Variants in FBXO38 observed in about 807,000 individuals in gnomAD.
FBXO38 encodes the protein F-box only protein 38.
A neutral mutation model predicts 131.9 loss-of-function variants in FBXO38; 53 were observed. That is an observed-to-expected ratio of 0.40 (90% confidence interval 0.32 to 0.51). The LOEUF (loss-of-function observed/expected upper bound fraction) is 0.51. Among genes scored for constraint, FBXO38 ranks in the 20% least tolerant of loss-of-function variants. The pLI, the probability that FBXO38 is intolerant of heterozygous loss-of-function variation, is 0.53. For synonymous variants in FBXO38, 452 were observed against 505.6 expected (o/e 0.89, Z 1.42); for missense variants, 1,076 against 1,475.6 (o/e 0.73, Z 4.44).
intron 16 of FBXO38, 30 bp from the exon 17 acceptor site, chr5:148,433,605 T>C (rs1180541504): frequency 6.4e-7 from 1 of 1,561,030 alleles, no homozygotes; most frequent in Non-Finnish European, 8.8e-7. Context: ...GTTTGTATCT[T>C]TATATAGTTT....
intron 5 of FBXO38, among the ~76,000 whole-genome samples, chr5:148,402,910 GA>G: frequency 6.6e-6 from 1 of 152,270 alleles, no homozygotes; most frequent in Middle Eastern, 3.4e-3. Context: ...TACACAGAGA[GA>G]GAGAGAGTAT....
intron 20 of FBXO38, 48 bp from the exon 21 acceptor site, chr5:148,441,074 GCT>G (rs767306747): frequency 3.9e-6 from 5 of 1,271,176 alleles, no homozygotes; most frequent in Non-Finnish European, 5.8e-6. Context: ...GCAGAATTTG[GCT>G]CTGTCAGCAC....
At chr5:148,396,951 A>G (rs569343917) in intron 2 of FBXO38, among the ~76,000 whole-genome samples, 1 of 152,330 alleles carries the variant, frequency 6.6e-6, no homozygotes, top group Non-Finnish European at 1.5e-5. Flanking sequence ...AACATTGTGC[A>G]GTTCAAACAG....
intron 1 of FBXO38, among the ~76,000 whole-genome samples, chr5:148,393,540 C>T (rs555012537): frequency 4.7e-4 from 72 of 152,236 alleles, no homozygotes; most frequent in Non-Finnish European, 8.1e-4. Flanking sequence ...ATTAGTGACT[C>T]AGGCCCCTTT....
chr5:148,402,414 T>C lies in FBXO38; in HGVS notation c.493T>C (p.Leu165=), dbSNP rs773928302. The change falls in exon 5 of 22, where the codon TTG becomes CTG. Residue 165 remains leucine, a synonymous_variant. Transcript: ENST00000340253. ...IWTYMPHVHI[L]GKFRNRNGAF... Reference sequence around the variant, plus strand: ...GACATATATGCCCCATGTTCATATTTTGGGGAAATTTCGTAATCGTAATGG... The same window carrying C: ...GACATATATGCCCCATGTTCATATTCTGGGGAAATTTCGTAATCGTAATGG... 2 of 1,613,410 alleles carry C rather than the reference T, an allele frequency of 1.2e-6. No individual in the cohort carries two copies. The highest frequency in any genetic ancestry group is 1.7e-6 in the Non-Finnish European group (2 of 1,179,484).
intron 11 of FBXO38, 184 bp from the exon 12 acceptor site, chr5:148,416,810 C>T: frequency 1.7e-6 from 1 of 576,774 alleles, no homozygotes; most frequent in Non-Finnish European, 3.1e-6. Context: ...GCCAGTAACC[C>T]TTTATCTATC....
intron 21 of FBXO38, among the ~76,000 whole-genome samples, chr5:148,441,667 T>C (rs986394659): frequency 1.3e-5 from 2 of 152,242 alleles, no homozygotes; most frequent in African/African-American, 4.8e-5. Flanking sequence ...CATACTTGAA[T>C]ATTTATTGTT....
intron 2 of FBXO38, 122 bp downstream of exon 2, chr5:148,395,026 G>A: frequency 3.8e-6 from 4 of 1,056,286 alleles, no homozygotes; most frequent in Non-Finnish European, 5.2e-6. Context: ...AAGTAAAAAT[G>A]TAAAATTTAG....
At chr5:148,429,684 G>C (rs1240105984) in intron 15 of FBXO38, among the ~76,000 whole-genome samples, 1 of 152,108 alleles carries the variant, frequency 6.6e-6, no homozygotes, top group Non-Finnish European at 1.5e-5. Context: ...TTTAGGGACT[G>C]TTATGTTTGT....
At chr5:148,425,915 G>T (rs1753688969) in intron 14 of FBXO38, among the ~76,000 whole-genome samples, 1 of 152,174 alleles carries the variant, frequency 6.6e-6, no homozygotes, top group Non-Finnish European at 1.5e-5. Context: ...GGGAAGAAGA[G>T]AAGTAAGGAT....
intron 15 of FBXO38, 27 bp from the exon 16 acceptor site, chr5:148,433,397 G>T (rs1213346111): frequency 6.4e-7 from 1 of 1,564,176 alleles, no homozygotes; most frequent in Non-Finnish European, 8.8e-7. Context: ...CTAAAATTTG[G>T]ATTTTCTTTT....
At chr5:148,411,296 C>T (rs184933139) in intron 9 of FBXO38, among the ~76,000 whole-genome samples, 226 of 152,234 alleles carry the variant, frequency 1.5e-3, no homozygotes, top group Admixed American at 2.2e-3. Context: ...CATTTTCTTA[C>T]CCATTTACAA....
intron 14 of FBXO38, 109 bp downstream of exon 14, chr5:148,425,810 A>G (rs1753683700): frequency 2.2e-6 from 2 of 928,940 alleles, no homozygotes; most frequent in South Asian, 3.4e-5. Context: ...ACGGAATGTG[A>G]CAGGAAGCAA....
chr5:148,438,336 C>T lies in FBXO38; in HGVS notation c.2862C>T (p.Thr954=). 1.9e-6 allele frequency: 3 copies of T among 1,613,124 alleles called. No individual in the cohort carries two copies. Among genetic ancestry groups the T allele is most frequent in the Non-Finnish European group, 2.5e-6 (3 of 1,179,480 alleles). ...DCPKMMFIHA[T]RCRVLKHLKV... The stretch of plus-strand genomic sequence containing the variant: ...ACCATTGTTTTCATTTTGTAGCTAC[C>T]AGGTGCAGGGTACTAAAACATTTAA... Residue 954 remains threonine, a synonymous_variant, in exon 18 of 22, where the codon ACC becomes ACT. Transcript: ENST00000340253.
chr5:148,402,592 A>T (rs1264099727), intron 5 of FBXO38, 79 bp downstream of exon 5: 1 of 1,180,958 alleles, frequency 8.5e-7, no homozygotes, highest in African/African-American at 1.5e-5. Flanking sequence ...AAGAATAATG[A>T]GAATTTTAGA....
chr5:148,393,612 C>T (rs1758327474), intron 1 of FBXO38, among the ~76,000 whole-genome samples: 1 of 152,098 alleles, frequency 6.6e-6, no homozygotes, highest in African/African-American at 2.4e-5. Context: ...GTGTGCAATT[C>T]TGAGCTCATT....
intron 17 of FBXO38, among the ~76,000 whole-genome samples, chr5:148,436,015 ACAT>A (rs1754328610): frequency 6.6e-6 from 1 of 152,188 alleles, no homozygotes; most frequent in African/African-American, 2.4e-5. Context: ...TAAAACAGTA[ACAT>A]CAGAGATCAT....
At chr5:148,389,555 C>T (rs913718144) in intron 1 of FBXO38, among the ~76,000 whole-genome samples, 10 of 152,128 alleles carry the variant, frequency 6.6e-5, no homozygotes, top group South Asian at 2.1e-4. Flanking sequence ...CTGCTTTGTA[C>T]GTTCTCTGCA....
At chr5:148,428,962 A>G (rs1753877990) in intron 15 of FBXO38, among the ~76,000 whole-genome samples, 1 of 152,178 alleles carries the variant, frequency 6.6e-6, no homozygotes, top group South Asian at 2.1e-4. Flanking sequence ...GTTTGATAAT[A>G]TCTTTTTTTT....
Sources: gnomAD v4.1 joint callset for allele counts (sites outside exome capture counted in the v4.1 genomes callset) on GRCh38, gnomAD v4.1.1 for gene constraint, MANE v1.5 for transcripts, NCBI Gene and HGNC (gene_info 2026-07-23, HGNC 2026-07-21) for gene names.